Variants in CSRNP3 observed in about 807,000 individuals in gnomAD.
The protein encoded by CSRNP3 is cysteine and serine rich nuclear protein 3.
In CSRNP3, 12 loss-of-function variants were observed where a neutral mutation model predicts 48.0. The ratio of observed to expected loss-of-function variants is 0.25; its 90% CI spans 0.16 to 0.41. The LOEUF (loss-of-function observed/expected upper bound fraction) is 0.41, where lower values mean the gene tolerates loss of function less well. CSRNP3 is among the 10% of genes least tolerant of loss of function. CSRNP3 has a pLI of 1.00. For missense variants in CSRNP3, 580 were observed against 724.4 expected, an observed-to-expected ratio of 0.80 and a Z score of 2.29; for synonymous variants, 263 against 269.7, an observed-to-expected ratio of 0.98 and a Z score of 0.24.
chr2:165,606,724 GTTGAA>G (rs1294532462), intron 4 of CSRNP3, among the ~76,000 whole-genome samples: 16 of 152,142 alleles, frequency 1.1e-4, no homozygotes, highest in Non-Finnish European at 2.1e-4. Context: ...TGGAAAATAA[GTTGAA>G]TTGAATAGCC....
intron 4 of CSRNP3, among the ~76,000 whole-genome samples, chr2:165,605,418 G>A (rs934689400): frequency 3.3e-5 from 5 of 151,850 alleles, no homozygotes; most frequent in African/African-American, 7.3e-5. Context: ...TCTAAAGTAC[G>A]TAGGCCCAAA....
Position 165,685,799 on chromosome 2 carries a change from G to T in CSRNP3, c.*6046G>T, listed in dbSNP as rs1257805917. The T allele has an allele frequency of 6.6e-6, 1 of 152,108 alleles. No homozygotes were observed. The highest frequency in any genetic ancestry group is 1.5e-5 in the Non-Finnish European group (1 of 67,996). The allele number at this position is 152,108 out of a possible 1,614,324, so 9.4% of individuals were successfully genotyped here. On this transcript the variant is annotated 3_prime_UTR_variant, in exon 7 of 7. Transcript: ENST00000651982. ...GGCAGGACTAAAGTTTCAAAGGAAT[G>T]TGATAGAATTTATTTTGGATAACAT...
intron 4 of CSRNP3, among the ~76,000 whole-genome samples, chr2:165,602,282 C>G (rs1332628639): frequency 1.3e-5 from 2 of 152,024 alleles, no homozygotes; most frequent in Non-Finnish European, 2.9e-5. Flanking sequence ...AAGTTAGAGT[C>G]AAGGCCAAGC....
intron 4 of CSRNP3, among the ~76,000 whole-genome samples, chr2:165,652,173 G>A (rs1686921915): frequency 6.6e-6 from 1 of 152,054 alleles, no homozygotes; most frequent in Non-Finnish European, 1.5e-5. Context: ...GCTTCAGGCT[G>A]GTATTATGTT....
At chr2:165,504,034 C>T (rs897234187) in intron 2 of CSRNP3, among the ~76,000 whole-genome samples, 2 of 151,802 alleles carry the variant, frequency 1.3e-5, no homozygotes, top group Non-Finnish European at 2.9e-5. Flanking sequence ...AAATATTCTT[C>T]CTAATATAAA....
intron 6 of CSRNP3, among the ~76,000 whole-genome samples, chr2:165,677,710 G>A (rs78232415): frequency 0.017 from 2,585 of 152,218 alleles, 36 homozygotes; most frequent in Middle Eastern, 0.027. Flanking sequence ...TCCATGGCTG[G>A]ATAAGGTGAC....
At chr2:165,486,526 TG>T (rs1684120620) in intron 1 of CSRNP3, among the ~76,000 whole-genome samples, 1 of 133,396 alleles carries the variant, frequency 7.5e-6, no homozygotes, top group Admixed American at 7.6e-5. Flanking sequence ...CAGTAACCTC[TG>T]CAGACTTAAA....
intron 3 of CSRNP3, among the ~76,000 whole-genome samples, chr2:165,587,571 A>C (rs1190227740): frequency 6.6e-6 from 1 of 152,222 alleles, no homozygotes; most frequent in Admixed American, 6.5e-5. Context: ...AAGTTGCTGG[A>C]GCTTAAATCT....
intron 4 of CSRNP3, among the ~76,000 whole-genome samples, chr2:165,612,728 G>T (rs963604396): frequency 1.3e-5 from 2 of 151,432 alleles, no homozygotes. Flanking sequence ...TGTCCTCCAG[G>T]TTCATTCATG....
At chr2:165,522,351 T>A (rs1574819548) in intron 3 of CSRNP3, among the ~76,000 whole-genome samples, 1 of 152,054 alleles carries the variant, frequency 6.6e-6, no homozygotes, top group East Asian at 1.9e-4. Flanking sequence ...ACTTTAAATA[T>A]CAGTTTCCCT....
chr2:165,564,321 A>C (rs1685271726), intron 3 of CSRNP3, among the ~76,000 whole-genome samples: 1 of 152,136 alleles, frequency 6.6e-6, no homozygotes, highest in African/African-American at 2.4e-5. Context: ...CTGTTAAAAA[A>C]ATGCTTTTCT....
chr2:165,478,868 A>C (rs1265765937), intron 1 of CSRNP3, among the ~76,000 whole-genome samples: 1 of 152,194 alleles, frequency 6.6e-6, no homozygotes, highest in Admixed American at 6.5e-5. Context: ...CTTAATTCAG[A>C]ATCACTGTAA....
chr2:165,587,427 C>T (rs974252929), intron 3 of CSRNP3, among the ~76,000 whole-genome samples: 2 of 152,148 alleles, frequency 1.3e-5, no homozygotes, highest in Admixed American at 6.5e-5. Flanking sequence ...GCCAGGTGGC[C>T]CCCTGTTCAC....
At position 165,683,101 on chromosome 2, in the gene CSRNP3, G is replaced by A. The variant is rs1558975167; in HGVS notation, c.*3348G>A. The A allele has an allele frequency of 2.0e-5, 3 of 152,172 alleles. 1 individual carries two copies. The highest frequency in any genetic ancestry group is 7.2e-5 in the African/African-American group (3 of 41,540). 9.4% of individuals were successfully genotyped at this position (152,172 alleles called of 1,614,324 possible). ...CTTTGTCATTCCCAATTTCCTTTGG[G>A]AGAAGTCAATGAAAGAGATTTACTT... On this transcript the variant is annotated 3_prime_UTR_variant, in exon 7 of 7. Coordinates refer to ENST00000651982, the MANE Select transcript of CSRNP3 (RefSeq NM_001172173.2).
chr2:165,503,913 A>G (rs866173342), intron 2 of CSRNP3, among the ~76,000 whole-genome samples: 1 of 151,938 alleles, frequency 6.6e-6, no homozygotes, highest in East Asian at 1.9e-4. Context: ...AGTTAAGGAG[A>G]TATTCTTCCA....
intron 5 of CSRNP3, among the ~76,000 whole-genome samples, chr2:165,666,434 C>G (rs111162546): frequency 0.11 from 805 of 7,588 alleles, 9 homozygotes; most frequent in Non-Finnish European, 0.15. Context: ...GAAAGAAAGA[C>G]AGAGAGGAAG....
At position 165,557,845 on chromosome 2, in the gene CSRNP3, T is replaced by A. The variant is rs540695959; in HGVS notation, c.-23-37198T>A. The stretch of plus-strand genomic sequence containing the variant: ...AGGGGCTTGCATTTAATTCTCTTAC[T>A]ATGTAGCCTGCATTTATTAAAGTTT... On this transcript the variant is annotated intron_variant, in intron 3 of 6. Coordinates refer to ENST00000651982, the MANE Select transcript of CSRNP3 (RefSeq NM_001172173.2). Among the ~76,000 whole-genome samples the A allele has an allele frequency of 1.1e-4, 17 of 152,352 alleles. No individual in the cohort carries two copies. The East Asian group carries it at 3.3e-3, about 29-fold the overall frequency.
chr2:165,637,915 T>C (rs1686658328), intron 4 of CSRNP3, among the ~76,000 whole-genome samples: 1 of 152,190 alleles, frequency 6.6e-6, no homozygotes, highest in African/African-American at 2.4e-5. Context: ...AATGTACTAT[T>C]ATATAGTTGC....
chr2:165,674,776 A>G (rs530724374), intron 5 of CSRNP3, among the ~76,000 whole-genome samples: 4 of 148,378 alleles, frequency 2.7e-5, no homozygotes, highest in African/African-American at 5.0e-5. Context: ...CAGTGGTGCA[A>G]TCATGGCTCA....
Sources: allele counts gnomAD v4.1 joint callset (sites outside exome capture counted in the v4.1 genomes callset), GRCh38; gene constraint gnomAD v4.1.1; transcripts MANE v1.5; gene names NCBI Gene and HGNC (gene_info 2026-07-23, HGNC 2026-07-21).